DIP2B: variants seen among roughly 807,000 people sequenced by gnomAD.
DIP2B encodes the protein DIP2 acetate--CoA ligase B (putative), also known as disco-interacting protein 2 homolog B.
In DIP2B, 76 loss-of-function variants were observed where a neutral mutation model predicts 198.0. The observed-to-expected ratio is 0.38, with a 90% CI of 0.32 to 0.46. The LOEUF (loss-of-function observed/expected upper bound fraction) is 0.46. Ranked by LOEUF, DIP2B falls within the 20% of genes least tolerant of loss-of-function variation. The pLI is 0.99. For synonymous variants in DIP2B, 701 were observed against 739.1 expected, an observed-to-expected ratio of 0.95 and a Z score of 0.84; for missense variants, 1,559 against 1,978.4, an observed-to-expected ratio of 0.79 and a Z score of 4.02.
At chr12:50,659,892 C>T (rs1368112962) in intron 3 of DIP2B, among the ~76,000 whole-genome samples, 2 of 152,150 alleles carry the variant, frequency 1.3e-5, no homozygotes, top group Admixed American at 1.3e-4. Flanking sequence ...ATGTTAGACT[C>T]AGTATTCTGT....
intron 1 of DIP2B, among the ~76,000 whole-genome samples, chr12:50,508,354 T>C (rs571845521): frequency 2.0e-5 from 3 of 152,362 alleles, no homozygotes; most frequent in Admixed American, 6.5e-5. Context: ...TTTGGACTTA[T>C]GTATATGGTC....
chr12:50,560,860 C>A (rs1451037702), intron 1 of DIP2B, among the ~76,000 whole-genome samples: 4 of 152,206 alleles, frequency 2.6e-5, no homozygotes, highest in African/African-American at 9.7e-5. Context: ...TGAGATAGTT[C>A]ATTTATAAAA....
chr12:50,566,440 A>G (rs905595272), intron 1 of DIP2B, among the ~76,000 whole-genome samples: 1 of 152,160 alleles, frequency 6.6e-6, no homozygotes, highest in Non-Finnish European at 1.5e-5. Flanking sequence ...TTCTGGTTTC[A>G]TTACATATAA....
In DIP2B at chr12:50,735,056, A is replaced by G; in HGVS notation, c.4044-17A>G. On this transcript the variant is annotated splice_polypyrimidine_tract_variant and intron_variant, in intron 33 of 37. Coordinates refer to ENST00000301180, the MANE Select transcript of DIP2B (RefSeq NM_173602.3). Reference sequence around the variant, plus strand: ...CTCTTAAAAGCCCTATATATAGTAAATACCGTTCTTCTGCAGGGTTCGTCT... The same window carrying G: ...CTCTTAAAAGCCCTATATATAGTAAGTACCGTTCTTCTGCAGGGTTCGTCT... The G allele has an allele frequency of 6.2e-7, 1 of 1,614,104 alleles. No individual in the cohort carries two copies.
chr12:50,644,512 G>T (rs1938316271), intron 3 of DIP2B, among the ~76,000 whole-genome samples: 1 of 152,200 alleles, frequency 6.6e-6, no homozygotes, highest in African/African-American at 2.4e-5. Context: ...AGTCACTTGT[G>T]TCTGGGGACT....
chr12:50,669,687 A>G (rs1938815990), intron 4 of DIP2B, among the ~76,000 whole-genome samples: 1 of 152,114 alleles, frequency 6.6e-6, no homozygotes, highest in Non-Finnish European at 1.5e-5. Flanking sequence ...GGCCTCCCAA[A>G]GTACTGGGAT....
chr12:50,577,994 T>G (rs1958678901), intron 1 of DIP2B, among the ~76,000 whole-genome samples: 1 of 152,202 alleles, frequency 6.6e-6, no homozygotes, highest in Non-Finnish European at 1.5e-5. Flanking sequence ...CTGTGTTACA[T>G]TTAGATTCAT....
chr12:50,635,145 G>A (rs1176843873), intron 2 of DIP2B, among the ~76,000 whole-genome samples: 1 of 152,186 alleles, frequency 6.6e-6, no homozygotes, highest in African/African-American at 2.4e-5. Flanking sequence ...AGAAAGAAAA[G>A]GAGAGGCAGG....
intron 1 of DIP2B, among the ~76,000 whole-genome samples, chr12:50,611,444 A>C (rs1959031162): frequency 6.6e-6 from 1 of 152,138 alleles, no homozygotes; most frequent in Admixed American, 6.6e-5. Context: ...TTTAACATTT[A>C]TTCTTTTGCT....
At chr12:50,666,406 A>C (rs968852958) in intron 4 of DIP2B, among the ~76,000 whole-genome samples, 1 of 152,234 alleles carries the variant, frequency 6.6e-6, no homozygotes, top group East Asian at 1.9e-4. Flanking sequence ...TAGACATATC[A>C]GTTAGATAAC....
chr12:50,638,034 C>G (rs10876074), intron 2 of DIP2B, among the ~76,000 whole-genome samples: 48,735 of 152,046 alleles, frequency 0.32, 7,985 homozygotes, highest in South Asian at 0.39. Context: ...TTTATTGTTA[C>G]TAAACCTTTT....
intron 1 of DIP2B, among the ~76,000 whole-genome samples, chr12:50,507,557 G>A (rs906662154): frequency 2.6e-5 from 4 of 151,918 alleles, no homozygotes; most frequent in African/African-American, 7.3e-5. Flanking sequence ...CTTTTCTTTC[G>A]TTTGTTTTTT....
chr12:50,686,841 T>A, intron 12 of DIP2B, 159 bp downstream of exon 12: 1 of 589,178 alleles, frequency 1.7e-6, no homozygotes, highest in Non-Finnish European at 2.9e-6. Flanking sequence ...TTGTAGTGGA[T>A]CTTCTATCCT....
chr12:50,685,201 A>T (rs1939112519), intron 10 of DIP2B, among the ~76,000 whole-genome samples: 1 of 152,214 alleles, frequency 6.6e-6, no homozygotes, highest in Non-Finnish European at 1.5e-5. Context: ...TCAGGAAATC[A>T]TATGATTGTT....
In DIP2B at chr12:50,744,819, T is replaced by TA; in HGVS notation, c.4712dup (p.Tyr1571Ter). The change falls in exon 38 of 38, where the codon TAC becomes TAAC. Residue 1571 changes from tyrosine (Y) to a stop codon, truncating the protein, a stop_gained and frameshift_variant. Transcript: ENST00000301180. LOFTEE classifies it high-confidence loss of function. ...CCTAGCTGACCAGTTAGACCCCATC[T>TA]ACGTGGCTTATAACATGTAACCAGC... Reference protein sequence around the residue: ...SFLADQLDPIYVAYNM With the variant: ...SFLADQLDPI 2 of 1,614,180 alleles carry TA rather than the reference T, an allele frequency of 1.2e-6. No homozygotes were observed. Among genetic ancestry groups the TA allele is most frequent in the Non-Finnish European group, 1.7e-6 (2 of 1,180,028 alleles).
chr12:50,558,479 A>G (rs904733973), intron 1 of DIP2B, among the ~76,000 whole-genome samples: 1 of 152,206 alleles, frequency 6.6e-6, no homozygotes, highest in African/African-American at 2.4e-5. Flanking sequence ...AAATGGAGGT[A>G]CTGAGAGGTG....
chr12:50,638,492 A>G (rs1051586357), intron 2 of DIP2B, among the ~76,000 whole-genome samples: 3 of 152,208 alleles, frequency 2.0e-5, no homozygotes, highest in African/African-American at 7.2e-5. Context: ...GTATCTGCAT[A>G]GTCTACATAT....
intron 3 of DIP2B, among the ~76,000 whole-genome samples, chr12:50,646,995 G>A (rs1040039481): frequency 2.1e-5 from 3 of 146,216 alleles, no homozygotes; most frequent in Admixed American, 7.2e-5. Flanking sequence ...GATTGATAGA[G>A]AAGCATAGAT....
In DIP2B at chr12:50,714,505, C is replaced by G. The variant is rs751037270; in HGVS notation, c.2760C>G (p.Leu920=). ...GGIHISQTKQ[L]FLEGSLHPCN... ...TCCATATATCTCAGACGAAACAACT[C>G]TTTCTGGAGGGATCACTGCATCCTT... The change falls in exon 23 of 38, where the codon CTC becomes CTG. Residue 920 remains leucine (L), a synonymous_variant. Transcript: ENST00000301180. The G allele has an allele frequency of 5.6e-6, 9 of 1,614,062 alleles. No homozygotes were observed. The highest frequency in any genetic ancestry group is 7.6e-6 in the Non-Finnish European group (9 of 1,180,040).
Sources: gnomAD v4.1 joint callset for allele counts (sites outside exome capture counted in the v4.1 genomes callset) on GRCh38, gnomAD v4.1.1 for gene constraint, MANE v1.5 for transcripts, NCBI Gene and HGNC (gene_info 2026-07-23, HGNC 2026-07-21) for gene names.